ALPK2: variants seen among roughly 807,000 people sequenced by gnomAD.
ALPK2 encodes the protein alpha-protein kinase 2.
In ALPK2, 127 loss-of-function variants were observed where a neutral mutation model predicts 163.1. The observed-to-expected ratio is 0.78, with a 90% CI of 0.67 to 0.90. The LOEUF (loss-of-function observed/expected upper bound fraction) is 0.90, where lower values mean the gene tolerates loss of function less well. ALPK2 is among the 40% of genes least tolerant of loss of function. The pLI, the probability that ALPK2 is intolerant of heterozygous loss-of-function variation, is 0.00. For synonymous variants in ALPK2, 953 were observed against 959.1 expected (o/e 0.99, Z 0.12); for missense variants, 2,360 against 2,589.6 (o/e 0.91, Z 1.92).
rs557917478 is a variant in ALPK2 at position 58,556,738 on chromosome 18, G to A, written c.1963-18514C>T. Among the ~76,000 whole-genome samples the A allele has an allele frequency of 2.4e-3, 358 of 152,268 alleles. 2 individuals are homozygous for A. The highest frequency in any genetic ancestry group is 3.7e-3 in the Non-Finnish European group (253 of 68,016). On this transcript the variant is annotated intron_variant, in intron 4 of 12. Transcript: ENST00000361673. ...TCTTGACAAACTCCCCAGAAGAGAAGCACTGTCCTGTATGAACCTAGAGCC... is the reference window on the plus strand; with the variant it reads ...TCTTGACAAACTCCCCAGAAGAGAAACACTGTCCTGTATGAACCTAGAGCC...
intron 4 of ALPK2, among the ~76,000 whole-genome samples, chr18:58,552,441 T>A (rs923919762): frequency 6.6e-6 from 1 of 152,150 alleles, no homozygotes; most frequent in East Asian, 1.9e-4. Flanking sequence ...AATGACTATA[T>A]GTAAAGGCTA....
At chr18:58,566,617 G>T (rs1203202980) in intron 4 of ALPK2, 1 of 152,154 alleles carries the variant, frequency 6.6e-6, no homozygotes, top group Non-Finnish European at 1.5e-5. Flanking sequence ...AGCCTCCCCT[G>T]CTGCCACCCA....
At chr18:58,521,079 C>T (rs112217062) in intron 8 of ALPK2, among the ~76,000 whole-genome samples, 39 of 152,294 alleles carry the variant, frequency 2.6e-4, no homozygotes, top group African/African-American at 9.4e-4. Context: ...AGGGAGGGGC[C>T]AGGAGTTACT....
chr18:58,513,049 G>A (rs371005161), intron 10 of ALPK2, among the ~76,000 whole-genome samples: 7 of 139,256 alleles, frequency 5.0e-5, no homozygotes, highest in Non-Finnish European at 7.9e-5. Flanking sequence ...GTGGTGTGGT[G>A]TGTTTGTGCA....
rs1194837149 is a variant in ALPK2, at chr18:58,570,351, C to G, written c.1962+8463G>C. Among the ~76,000 whole-genome samples the G allele has an allele frequency of 5.3e-5, 8 of 152,326 alleles. No homozygotes were observed. The East Asian group carries it at 1.5e-3, about 29-fold the overall frequency. On this transcript the variant is annotated intron_variant, in intron 4 of 12. Coordinates refer to ENST00000361673, the MANE Select transcript of ALPK2 (RefSeq NM_052947.4). Reference sequence around the variant, plus strand: ...CTTGTATTTTTCTATGCCCTAAAAACATTTACTAGAGCCCTGTGATGTGCC... The same window carrying G: ...CTTGTATTTTTCTATGCCCTAAAAAGATTTACTAGAGCCCTGTGATGTGCC...
At chr18:58,559,393 CTGCCCCAGCTACAACATCCTT>C (rs36224832) in intron 4 of ALPK2, among the ~76,000 whole-genome samples, 21,816 of 152,000 alleles carry the variant, frequency 0.14, 1,840 homozygotes, top group African/African-American at 0.23. Flanking sequence ...CAGAGGATCC[CTGCCCCAGCTACAACATCCTT>C]TGCCCCAGCT....
chr18:58,539,716 G>A (rs2051680530), intron 4 of ALPK2, among the ~76,000 whole-genome samples: 1 of 152,164 alleles, frequency 6.6e-6, no homozygotes, highest in African/African-American at 2.4e-5. Context: ...GAGCTGAAAT[G>A]TTCATGGGCA....
intron 11 of ALPK2, among the ~76,000 whole-genome samples, chr18:58,503,552 A>G (rs2051444618): frequency 6.6e-6 from 1 of 152,064 alleles, no homozygotes; most frequent in South Asian, 2.1e-4. Context: ...TTTTTTAATT[A>G]GCCAGGTGTG....
intron 12 of ALPK2, among the ~76,000 whole-genome samples, chr18:58,482,642 A>T (rs574402560): frequency 6.6e-6 from 1 of 152,254 alleles, no homozygotes; most frequent in East Asian, 1.9e-4. Flanking sequence ...GGAGAAGAAG[A>T]ATTTTTGTCT....
At chr18:58,612,747 C>T (rs116612211) in intron 1 of ALPK2, among the ~76,000 whole-genome samples, 3 of 152,226 alleles carry the variant, frequency 2.0e-5, no homozygotes, top group Non-Finnish European at 2.9e-5. Context: ...TCCACGCTAC[C>T]GCTACCGGCA....
Position 58,538,121 on chromosome 18 carries a change from ATTG to A in ALPK2, c.2063_2065del (p.Thr688del). ...GACCCCTCCTAAGTTTGAGAAGGAA[ATTG>A]TTGTGGTCCCAGTGAATGGGGACTC... On this transcript the variant is annotated inframe_deletion, in exon 5 of 13. Transcript: ENST00000361673. The A allele has an allele frequency of 6.2e-7, 1 of 1,614,114 alleles. No homozygotes were observed. Among genetic ancestry groups the A allele is most frequent in the Non-Finnish European group, 8.5e-7 (1 of 1,180,030 alleles).
At position 58,611,290 on chromosome 18, in the gene ALPK2, AAAAG is replaced by A. The variant is rs202096797; in HGVS notation, c.109+395_109+398del. Reference sequence around the variant, plus strand: ...AAGACTCCATCTCAAAAAAAAAAAAAAAAGTCAATTAAAGAATAACAGAAGAGTT... The same window carrying A: ...AAGACTCCATCTCAAAAAAAAAAAAATCAATTAAAGAATAACAGAAGAGTT... On this transcript the variant is annotated intron_variant, in intron 2 of 12. Coordinates refer to ENST00000361673, the MANE Select transcript of ALPK2 (RefSeq NM_052947.4). 4.3e-3 allele frequency among the ~76,000 whole-genome samples: 356 copies of A among 82,764 alleles called. 1 individual carries two copies. The highest frequency in any genetic ancestry group is 0.011 in the African/African-American group (199 of 18,148). 54.3% of individuals were successfully genotyped at this position (82,764 alleles called of 152,430 possible).
rs1568089445 is a variant in ALPK2, at chr18:58,573,364, G to GCGTA, written c.1962+5449_1962+5450insTACG. Among the ~76,000 whole-genome samples, 7 of 139,634 alleles carry GCGTA rather than the reference G, an allele frequency of 5.0e-5. No homozygotes were observed. The East Asian group carries it at 1.4e-3, about 28-fold the overall frequency. 91.6% of individuals were successfully genotyped at this position (139,634 alleles called of 152,430 possible). A position where few individuals can be genotyped will look rare whatever the true frequency, so the allele number is the denominator to read the frequency against. On this transcript the variant is annotated intron_variant, in intron 4 of 12. Transcript: ENST00000361673. The stretch of plus-strand genomic sequence containing the variant: ...TATATATGTATATATATATGTGTGT[G>GCGTA]TATATATATATGTGTGTGTATATAT...
chr18:58,582,564 C>T (rs945323998), intron 3 of ALPK2, among the ~76,000 whole-genome samples: 33 of 98,078 alleles, frequency 3.4e-4, no homozygotes, highest in African/African-American at 6.9e-4. Context: ...AGATTGTTGG[C>T]GAAAAAAAAA....
At chr18:58,539,806 T>C (rs2051681106) in intron 4 of ALPK2, among the ~76,000 whole-genome samples, 1 of 152,224 alleles carries the variant, frequency 6.6e-6, no homozygotes, top group Admixed American at 6.5e-5. Flanking sequence ...GGTCAATCCC[T>C]GTATGTACTG....
chr18:58,487,293 G>A (rs1053126093), intron 12 of ALPK2, among the ~76,000 whole-genome samples: 4 of 152,170 alleles, frequency 2.6e-5, no homozygotes, highest in African/African-American at 9.7e-5. Flanking sequence ...TGATGTTGGA[G>A]ACATAAGTTA....
intron 5 of ALPK2, among the ~76,000 whole-genome samples, chr18:58,532,917 C>T (rs1349496666): frequency 1.3e-5 from 2 of 152,206 alleles, no homozygotes; most frequent in African/African-American, 4.8e-5. Flanking sequence ...CCCTAACCAC[C>T]ATGATACAAC....
In ALPK2 at chr18:58,517,089, G is replaced by GT. The variant is rs2051526091; in HGVS notation, c.5758dup (p.Thr1920AsnfsTer36). ...CCCTTCTCCAAAGTGCAGCTCCTCC[G>GT]TGGCGATCTGACCACGCAGGCGGCC... On this transcript the variant is annotated frameshift_variant, in exon 9 of 13. Coordinates refer to ENST00000361673, the MANE Select transcript of ALPK2 (RefSeq NM_052947.4). 2 of 1,614,256 alleles carry GT rather than the reference G, an allele frequency of 1.2e-6. No homozygotes were observed. Among genetic ancestry groups the GT allele is most frequent in the Admixed American group, 3.3e-5 (2 of 60,034 alleles).
At chr18:58,510,470 TTGGGCAATATGGCCATTTTCA>T (rs2051484657) in intron 10 of ALPK2, among the ~76,000 whole-genome samples, 1 of 152,204 alleles carries the variant, frequency 6.6e-6, no homozygotes, top group Non-Finnish European at 1.5e-5. Flanking sequence ...ATAAATTACC[TTGGGCAATATGGCCATTTTCA>T]TGATATTGAT....
Sources: allele counts gnomAD v4.1 joint callset (sites outside exome capture counted in the v4.1 genomes callset), GRCh38; gene constraint gnomAD v4.1.1; transcripts MANE v1.5; gene names NCBI Gene and HGNC (gene_info 2026-07-23, HGNC 2026-07-21).